Variants in PCDH11Y observed in about 807,000 individuals in gnomAD.
PCDH11Y encodes the protein protocadherin 11 Y-linked, also known as protocadherin-11 Y-linked.
For missense variants in PCDH11Y, 12 were observed against 224.8 expected (o/e 0.05, Z 6.05); for synonymous variants, 9 against 83.6 (o/e 0.11, Z 4.87).
At chrY:5,008,466 T>C in intron 1 of PCDH11Y, among the ~76,000 whole-genome samples, 1 of 32,552 alleles carries the variant, frequency 3.1e-5, no homozygotes, top group Admixed American at 2.9e-4. Context: ...TTATTTAAAT[T>C]GTGTGAACAC....
At chrY:5,352,364 C>T (rs2053160665) in intron 2 of PCDH11Y, among the ~76,000 whole-genome samples, 1 of 32,094 alleles carries the variant, frequency 3.1e-5, no homozygotes, top group African/African-American at 1.2e-4. Context: ...CCTCATGATC[C>T]GCCCACCTCA....
chrY:5,124,468 C>T (rs2052822823), intron 2 of PCDH11Y, among the ~76,000 whole-genome samples: 1 of 32,966 alleles, frequency 3.0e-5, no homozygotes. Flanking sequence ...CGGCATTTTT[C>T]CTCATTCATT....
At chrY:5,730,807 G>T in intron 4 of PCDH11Y, among the ~76,000 whole-genome samples, 1 of 32,215 alleles carries the variant, frequency 3.1e-5, no homozygotes, top group Non-Finnish European at 7.7e-5. Flanking sequence ...TTTTTATCAT[G>T]AAGAGATGCT....
intron 2 of PCDH11Y, among the ~76,000 whole-genome samples, chrY:5,202,210 C>T (rs2052927530): frequency 3.1e-5 from 1 of 32,512 alleles, no homozygotes. Context: ...CTCATTTCTC[C>T]ATGCCATAAT....
intron 2 of PCDH11Y, among the ~76,000 whole-genome samples, chrY:5,389,536 T>C (rs2053219513): frequency 7.1e-4 from 21 of 29,746 alleles, no homozygotes; most frequent in Admixed American, 3.3e-4. Context: ...ATATATATTA[T>C]CATGATATGG....
intron 4 of PCDH11Y, among the ~76,000 whole-genome samples, chrY:5,654,494 G>A: frequency 3.0e-5 from 1 of 32,985 alleles, no homozygotes. Flanking sequence ...ACCCATCAAC[G>A]GTGCACTGGA....
At chrY:5,553,511 C>T in intron 3 of PCDH11Y, among the ~76,000 whole-genome samples, 1 of 32,035 alleles carries the variant, frequency 3.1e-5, no homozygotes, top group Non-Finnish European at 7.6e-5. Flanking sequence ...CAATGTTTAG[C>T]TCTCACTTAC....
intron 2 of PCDH11Y, among the ~76,000 whole-genome samples, chrY:5,462,066 G>C: frequency 3.0e-5 from 1 of 33,047 alleles, no homozygotes; most frequent in African/African-American, 1.2e-4. Flanking sequence ...TGAAAGAAAA[G>C]GACATTATAC....
chrY:5,357,598 G>C (rs2053169393), intron 2 of PCDH11Y, among the ~76,000 whole-genome samples: 1 of 32,231 alleles, frequency 3.1e-5, no homozygotes, highest in South Asian at 6.9e-4. Flanking sequence ...GTTCTTAAAT[G>C]GAAAACTGCA....
chrY:5,715,941 T>C, intron 4 of PCDH11Y, among the ~76,000 whole-genome samples: 2 of 30,768 alleles, frequency 6.5e-5, no homozygotes, highest in Non-Finnish European at 7.8e-5. Context: ...TTTATTCCTA[T>C]TACACAAGGA....
At chrY:5,328,067 C>T (rs1602905271) in intron 2 of PCDH11Y, among the ~76,000 whole-genome samples, 5 of 33,469 alleles carry the variant, frequency 1.5e-4, no homozygotes, top group South Asian at 1.4e-3. Context: ...GCCGGTAAGC[C>T]GAGAAGGAGT....
chrY:5,181,947 AG>A (rs2052900529), intron 2 of PCDH11Y, among the ~76,000 whole-genome samples: 1 of 33,251 alleles, frequency 3.0e-5, no homozygotes, highest in Non-Finnish European at 7.4e-5. Context: ...GCTTCAGCCC[AG>A]TTCTGTGCCC....
chrY:5,736,613 A>G, intron 4 of PCDH11Y, among the ~76,000 whole-genome samples: 1 of 31,931 alleles, frequency 3.1e-5, no homozygotes, highest in African/African-American at 1.2e-4. Flanking sequence ...ACATTTGAAG[A>G]CTATAGAGAA....
At chrY:5,443,166 T>C in intron 2 of PCDH11Y, among the ~76,000 whole-genome samples, 9 of 32,809 alleles carry the variant, frequency 2.7e-4, no homozygotes. Context: ...GTAAAAATTC[T>C]TAATGAATAT....
chrY:5,627,811 A>G, intron 4 of PCDH11Y, among the ~76,000 whole-genome samples: 2 of 33,033 alleles, frequency 6.1e-5, no homozygotes, highest in Non-Finnish European at 1.5e-4. Context: ...TCAATATAAA[A>G]ATAAATAGAA....
At chrY:5,353,489 A>G in intron 2 of PCDH11Y, among the ~76,000 whole-genome samples, 1 of 32,696 alleles carries the variant, frequency 3.1e-5, no homozygotes, top group Admixed American at 2.9e-4. Context: ...TAGCAGCATA[A>G]TGTTCTGGAC....
intron 1 of PCDH11Y, among the ~76,000 whole-genome samples, chrY:5,070,219 GATAAGT>G (rs2052697865): frequency 6.0e-5 from 2 of 33,090 alleles, no homozygotes; most frequent in South Asian, 6.6e-4. Flanking sequence ...CTTTTCTAAA[GATAAGT>G]ATAAGTTTGG....
intron 2 of PCDH11Y, among the ~76,000 whole-genome samples, chrY:5,399,746 C>T: frequency 2.5e-4 from 8 of 31,416 alleles, no homozygotes; most frequent in Admixed American, 2.1e-3. Flanking sequence ...GTGATCCGCC[C>T]GCTTCGGCCT....
At chrY:5,644,322 C>A in intron 4 of PCDH11Y, among the ~76,000 whole-genome samples, 1 of 33,367 alleles carries the variant, frequency 3.0e-5, no homozygotes, top group Non-Finnish European at 7.4e-5. Flanking sequence ...TGAACTTAAC[C>A]TTTGTATCTA....
Sources: gnomAD v4.1 joint callset for allele counts (sites outside exome capture counted in the v4.1 genomes callset) on GRCh38, gnomAD v4.1.1 for gene constraint, MANE v1.5 for transcripts, NCBI Gene and HGNC (gene_info 2026-07-23, HGNC 2026-07-21) for gene names.